Variants in MSRA observed in about 807,000 individuals in gnomAD.
MSRA encodes methionine sulfoxide reductase A, also known as mitochondrial peptide methionine sulfoxide reductase.
MSRA carries 54 observed loss-of-function variants against 31.3 expected under a neutral mutation model. The observed-to-expected ratio is 1.73, with a 90% CI of 1.39 to 2.17. The LOEUF (loss-of-function observed/expected upper bound fraction) is 2.17, where lower values mean the gene tolerates loss of function less well. Ranked by LOEUF, MSRA falls within the 30% of genes most tolerant of loss-of-function variation. The pLI is 0.00. For missense variants in MSRA, 507 were observed against 300.9 expected (o/e 1.69, Z -5.07); for synonymous variants, 169 against 116.5 (o/e 1.45, Z -2.90).
chr8:10,330,195 T>A (rs1802613229), intron 5 of MSRA, among the ~76,000 whole-genome samples: 1 of 106,302 alleles, frequency 9.4e-6, no homozygotes, highest in South Asian at 3.5e-4. Context: ...TTATAAGAAT[T>A]AAATGTGATA....
At position 10,306,764 on chromosome 8, in the gene MSRA, G is replaced by A. The variant is rs116671122; in HGVS notation, c.436+5126G>A. ...AGTCCTGCGTGGGACTCGGGGCACA[G>A]ACTGAGTGCCTCGAGCCAAGCCACA... On this transcript the variant is annotated intron_variant, in intron 4 of 5. Transcript: ENST00000317173. 4.9e-3 allele frequency among the ~76,000 whole-genome samples: 739 copies of A among 152,246 alleles called. 7 individuals are homozygous for A. The highest frequency in any genetic ancestry group is 0.017 in the African/African-American group (711 of 41,548).
intron 3 of MSRA, among the ~76,000 whole-genome samples, chr8:10,280,567 G>C (rs2952239): frequency 0.29 from 44,235 of 152,026 alleles, 7,871 homozygotes; most frequent in East Asian, 0.48. Flanking sequence ...TACACTGCTG[G>C]TATGAAGGGA....
rs116948988 is a variant in MSRA at position 10,256,545 on chromosome 8, A to C, written c.331+11322A>C. 8.1e-3 allele frequency among the ~76,000 whole-genome samples: 1,234 copies of C among 152,304 alleles called. 10 individuals carry two copies. The highest frequency in any genetic ancestry group is 0.045 in the South Asian group (219 of 4,822). ...TACCAGAGAGGATTTCTGCTAGCTGATATCAGGCAACTGGGGGCTTCATCC... is the reference window on the plus strand; with the variant it reads ...TACCAGAGAGGATTTCTGCTAGCTGCTATCAGGCAACTGGGGGCTTCATCC... On this transcript the variant is annotated intron_variant, in intron 3 of 5. Transcript: ENST00000317173.
chr8:10,251,291 C>T (rs987201839), intron 3 of MSRA, among the ~76,000 whole-genome samples: 3 of 151,952 alleles, frequency 2.0e-5, no homozygotes, highest in African/African-American at 4.8e-5. Flanking sequence ...GATGAATGAT[C>T]CCATTCTTCA....
intron 1 of MSRA, among the ~76,000 whole-genome samples, chr8:10,182,729 G>A (rs1023138111): frequency 6.6e-6 from 1 of 152,076 alleles, no homozygotes; most frequent in African/African-American, 2.4e-5. Context: ...GCTGGCCATC[G>A]CCTGGAGGCC....
chr8:10,319,726 A>C (rs575979463), intron 4 of MSRA, among the ~76,000 whole-genome samples, 157 bp from the exon 5 acceptor site: 2 of 152,192 alleles, frequency 1.3e-5, no homozygotes, highest in East Asian at 3.9e-4. Context: ...TTGTTTAAAG[A>C]AAATGCTGTA....
intron 5 of MSRA, among the ~76,000 whole-genome samples, chr8:10,422,229 TC>T (rs774585952): frequency 3.9e-5 from 6 of 152,136 alleles, no homozygotes; most frequent in Non-Finnish European, 8.8e-5. Flanking sequence ...GGGCCTGCCA[TC>T]AACCATGGTT....
chr8:10,313,811 T>C (rs1161547124), intron 4 of MSRA, among the ~76,000 whole-genome samples: 1 of 152,238 alleles, frequency 6.6e-6, no homozygotes, highest in Non-Finnish European at 1.5e-5. Flanking sequence ...TGTTAAGACA[T>C]TGTGTATCTG....
chr8:10,159,585 T>G (rs1804464153), intron 1 of MSRA, among the ~76,000 whole-genome samples: 1 of 152,230 alleles, frequency 6.6e-6, no homozygotes, highest in Non-Finnish European at 1.5e-5. Flanking sequence ...TTCCTTCACT[T>G]TATTGAAATT....
At chr8:10,211,885 T>A (rs1424357753) in intron 2 of MSRA, among the ~76,000 whole-genome samples, 1 of 152,132 alleles carries the variant, frequency 6.6e-6, no homozygotes, top group African/African-American at 2.4e-5. Flanking sequence ...AGCTACTCAT[T>A]GCCTTAAAAA....
intron 1 of MSRA, among the ~76,000 whole-genome samples, chr8:10,170,823 T>G (rs1255919532): frequency 6.6e-6 from 1 of 152,252 alleles, no homozygotes; most frequent in African/African-American, 2.4e-5. Context: ...TATGGTACTC[T>G]GTCCAATCAG....
intron 4 of MSRA, among the ~76,000 whole-genome samples, chr8:10,311,568 T>C (rs556587144): frequency 6.6e-6 from 1 of 152,196 alleles, no homozygotes; most frequent in Non-Finnish European, 1.5e-5. Flanking sequence ...TAGCTTTTTT[T>C]TTCTCTTACC....
At chr8:10,272,243 G>T (rs1259864645) in intron 3 of MSRA, among the ~76,000 whole-genome samples, 2 of 152,168 alleles carry the variant, frequency 1.3e-5, no homozygotes, top group Non-Finnish European at 2.9e-5. Context: ...TCGATCTAGA[G>T]GTTAATGTAT....
chr8:10,144,967 A>C (rs1803014653), intron 1 of MSRA, among the ~76,000 whole-genome samples: 1 of 147,982 alleles, frequency 6.8e-6, no homozygotes, highest in Non-Finnish European at 1.5e-5. Context: ...GTTTTGGGGG[A>C]GGGGGCATGT....
chr8:10,097,626 A>G (rs1230411965), intron 1 of MSRA, among the ~76,000 whole-genome samples: 2 of 152,182 alleles, frequency 1.3e-5, no homozygotes, highest in Admixed American at 6.5e-5. Flanking sequence ...GGTTTGCTAA[A>G]TATATAACTT....
Position 10,256,949 on chromosome 8 carries a change from C to A in MSRA, c.331+11726C>A, listed in dbSNP as rs561677835. Among the ~76,000 whole-genome samples, 6 of 152,288 alleles carry A rather than the reference C, an allele frequency of 3.9e-5. No homozygotes were observed. The South Asian group carries it at 1.2e-3, about 32-fold the overall frequency. Reference sequence around the variant, plus strand: ...TCTCAGAGGTCTGTAGTTTGTTTATCTTCTAGGCTTTTTATACATTTCTTT... The same window carrying A: ...TCTCAGAGGTCTGTAGTTTGTTTATATTCTAGGCTTTTTATACATTTCTTT... On this transcript the variant is annotated intron_variant, in intron 3 of 5. Transcript: ENST00000317173.
chr8:10,183,264 A>G (rs1344805771), intron 1 of MSRA, among the ~76,000 whole-genome samples: 2 of 152,170 alleles, frequency 1.3e-5, no homozygotes, highest in Non-Finnish European at 2.9e-5. Context: ...GGTGATAAAG[A>G]CAGCTTAGTT....
At chr8:10,368,603 C>T (rs1288263483) in intron 5 of MSRA, among the ~76,000 whole-genome samples, 6 of 152,204 alleles carry the variant, frequency 3.9e-5, no homozygotes, top group East Asian at 3.8e-4. Flanking sequence ...AGTTTAAAAC[C>T]GTGCCTAGCC....
At chr8:10,401,549 A>G (rs752599547) in intron 5 of MSRA, among the ~76,000 whole-genome samples, 3 of 152,214 alleles carry the variant, frequency 2.0e-5, no homozygotes, top group Admixed American at 1.3e-4. Context: ...TCCTGCAGCA[A>G]TCTCACGCCT....
Sources: gnomAD v4.1 joint callset for allele counts (sites outside exome capture counted in the v4.1 genomes callset) on GRCh38, gnomAD v4.1.1 for gene constraint, MANE v1.5 for transcripts, NCBI Gene and HGNC (gene_info 2026-07-23, HGNC 2026-07-21) for gene names.